Variants in ADAMTS17 observed in about 807,000 individuals in gnomAD.
ADAMTS17 encodes the protein ADAM metallopeptidase with thrombospondin type 1 motif 17.
ADAMTS17 carries 113 observed loss-of-function variants against 141.5 expected under a neutral mutation model. The observed-to-expected ratio is 0.80, with a 90% CI of 0.69 to 0.93. The LOEUF (loss-of-function observed/expected upper bound fraction) is 0.93, where lower values mean the gene tolerates loss of function less well. ADAMTS17 is among the 40% of genes least tolerant of loss of function. The pLI, the probability that ADAMTS17 is intolerant of heterozygous loss-of-function variation, is 0.00. For missense variants in ADAMTS17, 1,659 were observed against 1,517.9 expected (o/e 1.09, Z -1.54); for synonymous variants, 768 against 630.6 (o/e 1.22, Z -3.27).
chr15:100,026,879 T>G (rs545825037), intron 18 of ADAMTS17, among the ~76,000 whole-genome samples: 24 of 152,348 alleles, frequency 1.6e-4, no homozygotes, highest in African/African-American at 5.8e-4. Context: ...CAAATAGATT[T>G]CCAAAGTGGT....
At chr15:100,340,097 C>T (rs1009897999) in intron 2 of ADAMTS17, among the ~76,000 whole-genome samples, 5 of 152,254 alleles carry the variant, frequency 3.3e-5, no homozygotes, top group African/African-American at 1.2e-4. Context: ...ACAGAGAACC[C>T]CTGCGGTTCA....
At chr15:100,001,635 A>G (rs1175079209) in intron 18 of ADAMTS17, among the ~76,000 whole-genome samples, 1 of 152,050 alleles carries the variant, frequency 6.6e-6, no homozygotes, top group East Asian at 1.9e-4. Context: ...ATCTCTCTGT[A>G]CCTTCCTCTC....
chr15:100,340,241 G>A (rs2046323220), intron 2 of ADAMTS17, among the ~76,000 whole-genome samples: 1 of 152,198 alleles, frequency 6.6e-6, no homozygotes, highest in African/African-American at 2.4e-5. Context: ...GTGCGCGCAG[G>A]CAGGGCAAGT....
intron 16 of ADAMTS17, among the ~76,000 whole-genome samples, 164 bp from the exon 17 acceptor site, chr15:100,051,895 G>A (rs1345750865): frequency 6.6e-6 from 1 of 152,200 alleles, no homozygotes; most frequent in Non-Finnish European, 1.5e-5. Context: ...CTTTATCTCA[G>A]CCCTGGATTC....
rs367788358 is a variant in ADAMTS17 at position 100,289,409 on chromosome 15, AAAG to A, written c.617-8011_617-8009del. The stretch of plus-strand genomic sequence containing the variant: ...CACAGCCAGATTCTACCAGATGTAT[AAAG>A]AAGAGCTGGTACCATTCCTACTAAA... On this transcript the variant is annotated intron_variant, in intron 3 of 21. Coordinates refer to ENST00000268070, the MANE Select transcript of ADAMTS17 (RefSeq NM_139057.4). Among the ~76,000 whole-genome samples the A allele has an allele frequency of 2.4e-3, 364 of 152,320 alleles. 3 individuals are homozygous for A. Among genetic ancestry groups the A allele is most frequent in the African/African-American group, 7.6e-3 (315 of 41,562 alleles).
At chr15:100,187,233 C>T (rs954551027) in intron 8 of ADAMTS17, among the ~76,000 whole-genome samples, 5 of 152,314 alleles carry the variant, frequency 3.3e-5, no homozygotes, top group South Asian at 2.1e-4. Flanking sequence ...TATCTGTCAG[C>T]GTGCCCACTG....
chr15:100,254,978 A>G (rs186094255), intron 6 of ADAMTS17, among the ~76,000 whole-genome samples: 2,340 of 151,720 alleles, frequency 0.015, 33 homozygotes, highest in Non-Finnish European at 0.022. Context: ...GAACCTGCAC[A>G]TCCTGCACAT....
intron 3 of ADAMTS17, among the ~76,000 whole-genome samples, chr15:100,300,640 TC>T (rs1190797828): frequency 2.0e-5 from 3 of 152,206 alleles, no homozygotes; most frequent in Non-Finnish European, 4.4e-5. Context: ...GTTAGGCAAC[TC>T]ACAAATGCAC....
intron 7 of ADAMTS17, 45 bp from the exon 8 acceptor site, chr15:100,199,468 C>G (rs2041239261): frequency 6.4e-7 from 1 of 1,558,944 alleles, no homozygotes; most frequent in East Asian, 2.2e-5. Flanking sequence ...ACGTGGGAGG[C>G]CCTGGTCTCA....
intron 8 of ADAMTS17, among the ~76,000 whole-genome samples, chr15:100,170,016 G>A (rs980214829): frequency 1.3e-5 from 2 of 152,052 alleles, no homozygotes; most frequent in Non-Finnish European, 1.5e-5. Context: ...ACAGGTCCGA[G>A]ACATTACCTG....
intron 3 of ADAMTS17, among the ~76,000 whole-genome samples, chr15:100,296,619 G>A (rs1046084628): frequency 3.0e-4 from 45 of 151,436 alleles, no homozygotes; most frequent in Middle Eastern, 3.4e-3. Flanking sequence ...GTGTGTGTGC[G>A]CATGCACGCG....
At chr15:100,206,977 G>A (rs1206312385) in intron 7 of ADAMTS17, among the ~76,000 whole-genome samples, 2 of 152,208 alleles carry the variant, frequency 1.3e-5, no homozygotes, top group African/African-American at 4.8e-5. Context: ...GCAGAGTAGG[G>A]GCTGGTAAGA....
intron 15 of ADAMTS17, among the ~76,000 whole-genome samples, chr15:100,081,266 G>A (rs1316688174): frequency 6.6e-6 from 1 of 152,170 alleles, no homozygotes; most frequent in Non-Finnish European, 1.5e-5. Flanking sequence ...TTTGGGACTG[G>A]GACTGGCTCT....
At chr15:100,157,761 A>C (rs1040266481) in intron 8 of ADAMTS17, among the ~76,000 whole-genome samples, 2 of 152,340 alleles carry the variant, frequency 1.3e-5, no homozygotes, top group South Asian at 4.1e-4. Context: ...GAATGGCAAA[A>C]GTCACCTCTC....
At chr15:100,203,981 C>T in intron 7 of ADAMTS17, among the ~76,000 whole-genome samples, 1 of 152,138 alleles carries the variant, frequency 6.6e-6, no homozygotes, top group East Asian at 1.9e-4. Flanking sequence ...AGGCTCCCAT[C>T]CACTAGCTCT....
chr15:100,233,187 G>A lies in ADAMTS17; in HGVS notation c.1075+20949C>T, dbSNP rs140731559. ...CTACTAAAAAGACAAAAAATGAGTCGGGCGTGGGGACGGACGCCTGTAACC... is the reference window on the plus strand; with the variant it reads ...CTACTAAAAAGACAAAAAATGAGTCAGGCGTGGGGACGGACGCCTGTAACC... On this transcript the variant is annotated intron_variant, in intron 7 of 21. Coordinates refer to ENST00000268070, the MANE Select transcript of ADAMTS17 (RefSeq NM_139057.4). Among the ~76,000 whole-genome samples, 23 of 152,206 alleles carry A rather than the reference G, an allele frequency of 1.5e-4. 1 individual carries two copies. The East Asian group carries it at 3.1e-3, about 20-fold the overall frequency.
intron 7 of ADAMTS17, among the ~76,000 whole-genome samples, chr15:100,247,088 T>C (rs940112113): frequency 2.0e-5 from 3 of 152,088 alleles, no homozygotes; most frequent in Non-Finnish European, 2.9e-5. Context: ...GGTTTTGCCA[T>C]GTTGGCCGGG....
In ADAMTS17 at chr15:99,976,369, G is replaced by A. The variant is rs1046680692; in HGVS notation, c.2950-147C>T. On this transcript the variant is annotated intron_variant, in intron 20 of 21. Coordinates refer to ENST00000268070, the MANE Select transcript of ADAMTS17 (RefSeq NM_139057.4). ...GCTGGGATGATGGCCTCACAATGTG[G>A]CACTGCGGAGACAGGACAGCCTGAG... 1.8e-5 allele frequency: 19 copies of A among 1,030,314 alleles called. No homozygotes were observed. In the African/African-American group the frequency reaches 2.6e-4, roughly 14 times the overall value. The allele number at this position is 1,030,314 out of a possible 1,614,324, so 63.8% of individuals were successfully genotyped here.
intron 18 of ADAMTS17, among the ~76,000 whole-genome samples, chr15:100,040,982 A>C (rs77749255): frequency 6.6e-6 from 1 of 152,366 alleles, no homozygotes; most frequent in Non-Finnish European, 1.5e-5. Flanking sequence ...AAATTGATTA[A>C]AAAACCATAT....
Sources: allele counts gnomAD v4.1 joint callset (sites outside exome capture counted in the v4.1 genomes callset), GRCh38; gene constraint gnomAD v4.1.1; transcripts MANE v1.5; gene names NCBI Gene and HGNC (gene_info 2026-07-23, HGNC 2026-07-21).